Variants in PDE7B observed in about 807,000 individuals in gnomAD.
PDE7B encodes phosphodiesterase 7B.
Under a neutral mutation model 56.2 loss-of-function variants are expected in PDE7B, and 29 were observed. That is an observed-to-expected ratio of 0.52 (90% CI 0.38 to 0.70). The LOEUF is 0.70. Ranked by LOEUF, PDE7B falls within the 30% of genes least tolerant of loss-of-function variation. The probability of loss-of-function intolerance (pLI) is 0.00; values close to 1 mark genes in which losing one functional copy is unlikely to be tolerated. For synonymous variants in PDE7B, 197 were observed against 196.9 expected (o/e 1.00, Z 0.00); for missense variants, 490 against 565.0 (o/e 0.87, Z 1.35).
rs181769019 is a variant in PDE7B at position 135,917,365 on chromosome 6, G to A, written c.22-30099G>A. 6.0e-4 allele frequency among the ~76,000 whole-genome samples: 91 copies of A among 151,474 alleles called. No individual in the cohort carries two copies. In the South Asian group the frequency reaches 6.3e-3, roughly 10 times the overall value. On this transcript the variant is annotated intron_variant, in intron 1 of 12. Transcript: ENST00000308191. ...GTCACTTATTTTTTTCTTCTGCAGC[G>A]TCACGTCTGCTGTTAAGCCCTACCC... is the stretch of plus-strand genomic sequence containing the variant.
At chr6:136,047,079 T>C (rs1776522666) in intron 2 of PDE7B, among the ~76,000 whole-genome samples, 1 of 152,222 alleles carries the variant, frequency 6.6e-6, no homozygotes, top group South Asian at 2.1e-4. Flanking sequence ...TAAGTTACTA[T>C]GTGCTAGGCC....
At position 135,857,019 on chromosome 6, in the gene PDE7B, C is replaced by T. The variant is rs941859651; in HGVS notation, c.21+5000C>T. 4.5e-5 allele frequency among the ~76,000 whole-genome samples: 6 copies of T among 132,904 alleles called. No homozygotes were observed. The East Asian group carries it at 9.3e-4, about 21-fold the overall frequency. The allele number at this position is 132,904 out of a possible 152,430, so 87.2% of individuals were successfully genotyped here. On this transcript the variant is annotated intron_variant, in intron 1 of 12. Transcript: ENST00000308191. Reference sequence around the variant, plus strand: ...CCTTCTTTCCTTCTGCCCTCTTACTCCTTTTCCTCCCTCCCTCCCTCCCTC... The same window carrying T: ...CCTTCTTTCCTTCTGCCCTCTTACTTCTTTTCCTCCCTCCCTCCCTCCCTC...
intron 2 of PDE7B, among the ~76,000 whole-genome samples, chr6:136,064,119 AC>A (rs1484584009): frequency 1.1e-4 from 16 of 152,224 alleles, no homozygotes; most frequent in Admixed American, 1.0e-3. Flanking sequence ...TCTTAATTGA[AC>A]AGCTTTTTAC....
chr6:135,947,116 T>A (rs920767007), intron 1 of PDE7B, among the ~76,000 whole-genome samples: 2 of 152,052 alleles, frequency 1.3e-5, no homozygotes, highest in Admixed American at 1.3e-4. Context: ...AAGGACCAAT[T>A]TTGAGAATAA....
At chr6:136,189,910 T>C (rs1057115677) in intron 12 of PDE7B, among the ~76,000 whole-genome samples, 14 of 152,346 alleles carry the variant, frequency 9.2e-5, no homozygotes, top group Admixed American at 3.3e-4. Context: ...ATCAGTTTCC[T>C]ACCTAGCATA....
intron 1 of PDE7B, among the ~76,000 whole-genome samples, chr6:135,902,347 T>G (rs1045336185): frequency 7.9e-5 from 12 of 151,754 alleles, no homozygotes; most frequent in Non-Finnish European, 1.2e-4. Context: ...TTTTTTTTCT[T>G]TTTTTAAAGA....
chr6:136,062,903 G>A (rs1302954528), intron 2 of PDE7B, among the ~76,000 whole-genome samples: 1 of 152,166 alleles, frequency 6.6e-6, no homozygotes, highest in Non-Finnish European at 1.5e-5. Flanking sequence ...GAGCAGAGTA[G>A]ACAGGAAGAG....
At chr6:136,073,308 C>G (rs1371056118) in intron 2 of PDE7B, among the ~76,000 whole-genome samples, 1 of 152,152 alleles carries the variant, frequency 6.6e-6, no homozygotes, top group Non-Finnish European at 1.5e-5. Flanking sequence ...GTGTAAAGAA[C>G]ATGATTGGGT....
At chr6:136,055,897 T>C (rs1422797216) in intron 2 of PDE7B, among the ~76,000 whole-genome samples, 4 of 152,190 alleles carry the variant, frequency 2.6e-5, no homozygotes, top group Non-Finnish European at 4.4e-5. Flanking sequence ...AGCTTCTTTC[T>C]TTGTATTAGT....
chr6:135,893,851 A>T (rs1267808083), intron 1 of PDE7B, among the ~76,000 whole-genome samples: 1 of 152,204 alleles, frequency 6.6e-6, no homozygotes, highest in African/African-American at 2.4e-5. Context: ...ATCGTCATTG[A>T]AGTGAAAAGA....
At chr6:135,972,185 G>A (rs148413916) in intron 2 of PDE7B, among the ~76,000 whole-genome samples, 270 of 116,778 alleles carry the variant, frequency 2.3e-3, no homozygotes, top group African/African-American at 8.7e-3. Flanking sequence ...AGTGAGCCAA[G>A]ATTGCACCAT....
At chr6:136,073,460 C>T (rs1777081160) in intron 2 of PDE7B, among the ~76,000 whole-genome samples, 1 of 152,198 alleles carries the variant, frequency 6.6e-6, no homozygotes, top group South Asian at 2.1e-4. Context: ...GTCTTACAGG[C>T]TGAAAGTCCA....
intron 1 of PDE7B, among the ~76,000 whole-genome samples, chr6:135,862,069 C>T (rs1041168587): frequency 1.3e-5 from 2 of 151,626 alleles, no homozygotes; most frequent in South Asian, 2.1e-4. Context: ...TGGTGGTCAC[C>T]GATTTTCCTT....
chr6:135,997,545 T>C (rs1407144389), intron 2 of PDE7B, among the ~76,000 whole-genome samples: 1 of 144,488 alleles, frequency 6.9e-6, no homozygotes, highest in Non-Finnish European at 1.5e-5. Flanking sequence ...AAGAAAAAAA[T>C]CTAAAATATT....
intron 1 of PDE7B, among the ~76,000 whole-genome samples, chr6:135,935,026 A>G (rs1774385337): frequency 3.8e-5 from 2 of 52,572 alleles, no homozygotes; most frequent in East Asian, 7.1e-4. Context: ...TAAATATATA[A>G]TATATATTTC....
chr6:136,085,025 G>C (rs1034047110), intron 2 of PDE7B, among the ~76,000 whole-genome samples: 2 of 152,074 alleles, frequency 1.3e-5, no homozygotes, highest in African/African-American at 4.8e-5. Flanking sequence ...CTGGCCCCTG[G>C]GGCATCTGCC....
intron 2 of PDE7B, among the ~76,000 whole-genome samples, chr6:136,007,479 A>G (rs1775808148): frequency 6.6e-6 from 1 of 152,070 alleles, no homozygotes; most frequent in Admixed American, 6.6e-5. Flanking sequence ...TATTATTGGT[A>G]TAACATACAG....
chr6:136,057,957 G>A (rs375519250), intron 2 of PDE7B, among the ~76,000 whole-genome samples: 5 of 152,116 alleles, frequency 3.3e-5, no homozygotes, highest in African/African-American at 1.2e-4. Flanking sequence ...GGCTGGTCTC[G>A]AACTCCTGAC....
chr6:136,136,909 A>G (rs1201307892), intron 3 of PDE7B, among the ~76,000 whole-genome samples: 2 of 152,118 alleles, frequency 1.3e-5, no homozygotes, highest in African/African-American at 4.8e-5. Context: ...CAAAAAGAGC[A>G]TTTAACAGTG....
Sources: gnomAD v4.1 joint callset for allele counts (sites outside exome capture counted in the v4.1 genomes callset) on GRCh38, gnomAD v4.1.1 for gene constraint, MANE v1.5 for transcripts, NCBI Gene and HGNC (gene_info 2026-07-23, HGNC 2026-07-21) for gene names.